The following PHF24 variants were observed in gnomAD, a reference collection of about 807,000 sequenced individuals.
The protein encoded by PHF24 is Galpha inhibitory interacting protein.
PHF24 carries 25 observed loss-of-function variants against 42.6 expected under a neutral mutation model. The ratio of observed to expected loss-of-function variants is 0.59; its 90% CI spans 0.43 to 0.82. The LOEUF (loss-of-function observed/expected upper bound fraction) is 0.82, where lower values mean the gene tolerates loss of function less well. PHF24 is among the 40% of genes least tolerant of loss of function. The pLI is 0.00. For synonymous variants in PHF24, 185 were observed against 204.8 expected (o/e 0.90, Z 0.83); for missense variants, 470 against 538.1 (o/e 0.87, Z 1.25).
chr9:34,977,902 G>A (rs1001036112), intron 7 of PHF24, 113 bp from the exon 8 acceptor site: 6 of 856,838 alleles, frequency 7.0e-6, no homozygotes, highest in Non-Finnish European at 1.2e-5. Flanking sequence ...CTGCCCCTGG[G>A]ATCAGGGCTC....
the PHF24 span, among the ~76,000 whole-genome samples, chr9:34,916,045 G>A: frequency 6.6e-6 from 1 of 152,172 alleles, no homozygotes; most frequent in Non-Finnish European, 1.5e-5. Context: ...TCCCTGTGAA[G>A]AGGTGCCTTC....
chr9:34,783,234 G>A, the PHF24 span, among the ~76,000 whole-genome samples: 1 of 152,142 alleles, frequency 6.6e-6, no homozygotes, highest in African/African-American at 2.4e-5. Context: ...TTAGTCATAA[G>A]CGTGAAAGGA....
the PHF24 span, among the ~76,000 whole-genome samples, chr9:34,928,062 A>T: frequency 1.3e-5 from 2 of 152,088 alleles, no homozygotes; most frequent in Non-Finnish European, 2.9e-5. Flanking sequence ...CTAAAAATAC[A>T]AAAATTAGCC....
the PHF24 span, among the ~76,000 whole-genome samples, chr9:34,766,676 G>A: frequency 2.9e-3 from 437 of 152,236 alleles, 1 homozygote; most frequent in African/African-American, 9.9e-3. Flanking sequence ...TAGTTTGAGC[G>A]TCTGAAGCCT....
chr9:34,704,271 T>C, the PHF24 span, among the ~76,000 whole-genome samples: 2 of 151,858 alleles, frequency 1.3e-5, no homozygotes, highest in Non-Finnish European at 2.9e-5. Context: ...CTTCAAGCCA[T>C]CTGCCCACCT....
the PHF24 span, among the ~76,000 whole-genome samples, chr9:34,748,195 G>A: frequency 1.3e-5 from 2 of 152,122 alleles, no homozygotes; most frequent in Non-Finnish European, 2.9e-5. Flanking sequence ...TGGATAATTT[G>A]GTGTGGTCCC....
At chr9:34,785,972 AG>A in the PHF24 span, among the ~76,000 whole-genome samples, 1 of 152,194 alleles carries the variant, frequency 6.6e-6, no homozygotes, top group East Asian at 1.9e-4. Flanking sequence ...TAAAATTACT[AG>A]CTTAATTTCT....
chr9:34,915,206 G>A, the PHF24 span, among the ~76,000 whole-genome samples: 2 of 151,488 alleles, frequency 1.3e-5, no homozygotes, highest in Non-Finnish European at 2.9e-5. Context: ...CTAAATTTTT[G>A]TATTTTTTGT....
chr9:34,665,671 C>T, the PHF24 span: 1 of 701,104 alleles, frequency 1.4e-6, no homozygotes. Flanking sequence ...TCCTGGGCTC[C>T]GAACGTCTCC....
chr9:34,787,822 G>T, the PHF24 span, among the ~76,000 whole-genome samples: 1 of 152,052 alleles, frequency 6.6e-6, no homozygotes, highest in Non-Finnish European at 1.5e-5. Context: ...CTCTCATAAG[G>T]TTCAAAAATG....
At chr9:34,908,399 G>A in the PHF24 span, among the ~76,000 whole-genome samples, 8 of 152,240 alleles carry the variant, frequency 5.3e-5, no homozygotes, top group African/African-American at 1.9e-4. Context: ...AAATCCCTCT[G>A]GGAGCTTTCA....
chr9:34,740,199 G>A, the PHF24 span, among the ~76,000 whole-genome samples: 10 of 152,352 alleles, frequency 6.6e-5, no homozygotes, highest in South Asian at 1.9e-3. Context: ...CCGGGGCTGC[G>A]GGTGGAGCTG....
chr9:34,967,276 A>G (rs10972275), intron 1 of PHF24, among the ~76,000 whole-genome samples: 22,233 of 152,194 alleles, frequency 0.15, 2,090 homozygotes, highest in East Asian at 0.37. Flanking sequence ...TTGCAGATTT[A>G]AATCCATTAG....
At chr9:34,775,936 T>C in the PHF24 span, among the ~76,000 whole-genome samples, 1 of 152,202 alleles carries the variant, frequency 6.6e-6, no homozygotes, top group African/African-American at 2.4e-5. Context: ...AGTAGTTATA[T>C]ATGTTGCCAC....
At chr9:34,832,559 T>A in the PHF24 span, 1 of 1,538,922 alleles carries the variant, frequency 6.5e-7, no homozygotes, top group African/African-American at 1.4e-5. Context: ...TTGCAACATT[T>A]TCTTTTCTGG....
At chr9:34,709,706 T>G in the PHF24 span, 1 of 1,613,546 alleles carries the variant, frequency 6.2e-7, no homozygotes, top group African/African-American at 1.3e-5. Context: ...CTAGTAAGCC[T>G]TCTTAGTCTT....
the PHF24 span, among the ~76,000 whole-genome samples, chr9:34,855,738 G>A: frequency 2.2e-4 from 33 of 152,134 alleles, no homozygotes; most frequent in African/African-American, 7.2e-4. Flanking sequence ...TGGAGAATCT[G>A]ATGATTATGT....
the PHF24 span, among the ~76,000 whole-genome samples, chr9:34,670,551 T>G: frequency 6.6e-6 from 1 of 152,228 alleles, no homozygotes; most frequent in African/African-American, 2.4e-5. Flanking sequence ...CGCAGTAGAC[T>G]GCACCTGTTT....
chr9:34,837,519 T>C, the PHF24 span: 6 of 641,174 alleles, frequency 9.4e-6, no homozygotes, highest in Admixed American at 3.0e-5. Context: ...TTCCCACCCA[T>C]GGAAGTTTCA....
Sources: allele counts gnomAD v4.1 joint callset (sites outside exome capture counted in the v4.1 genomes callset), GRCh38; gene constraint gnomAD v4.1.1; transcripts MANE v1.5; gene names NCBI Gene and HGNC (gene_info 2026-07-23, HGNC 2026-07-21).